Variants in GALNT14 observed in about 807,000 individuals in gnomAD.
GALNT14 encodes the protein polypeptide N-acetylgalactosaminyltransferase 14.
A neutral mutation model predicts 77.5 loss-of-function variants in GALNT14; 60 were observed. The observed-to-expected ratio is 0.77, with a 90% CI of 0.63 to 0.96. The LOEUF is 0.96. Ranked by LOEUF, GALNT14 falls within the 40% of genes least tolerant of loss-of-function variation. GALNT14 has a pLI of 0.00. For missense variants in GALNT14, 710 were observed against 731.0 expected, an observed-to-expected ratio of 0.97 and a Z score of 0.33; for synonymous variants, 280 against 281.7, an observed-to-expected ratio of 0.99 and a Z score of 0.06.
intron 1 of GALNT14, among the ~76,000 whole-genome samples, chr2:31,015,461 A>C (rs1671295333): frequency 6.6e-6 from 1 of 152,170 alleles, no homozygotes; most frequent in Non-Finnish European, 1.5e-5. Context: ...ATCTGCCTCC[A>C]TCTATACTAA....
chr2:31,028,771 G>T (rs1672229840), intron 1 of GALNT14, among the ~76,000 whole-genome samples: 1 of 152,162 alleles, frequency 6.6e-6, no homozygotes, highest in African/African-American at 2.4e-5. Context: ...ACTAGGATGT[G>T]GAGATGTAAA....
At chr2:31,079,645 CAT>C (rs1676034194) in intron 1 of GALNT14, among the ~76,000 whole-genome samples, 1 of 152,210 alleles carries the variant, frequency 6.6e-6, no homozygotes, top group Non-Finnish European at 1.5e-5. Flanking sequence ...CCCTACGTCT[CAT>C]GTGTTGGCTC....
At chr2:30,936,082 T>C (rs1274758405) in intron 9 of GALNT14, among the ~76,000 whole-genome samples, 3 of 152,210 alleles carry the variant, frequency 2.0e-5, no homozygotes, top group Non-Finnish European at 2.9e-5. Context: ...GGCATGCAGA[T>C]GTGTAATTAT....
chr2:31,015,234 G>A (rs1014710373), intron 1 of GALNT14, among the ~76,000 whole-genome samples: 1 of 150,994 alleles, frequency 6.6e-6, no homozygotes, highest in Admixed American at 6.6e-5. Context: ...TGAGGTTGCA[G>A]TGAGCCAAGA....
the GALNT14 span, among the ~76,000 whole-genome samples, chr2:30,892,441 A>G: frequency 6.6e-6 from 1 of 152,214 alleles, no homozygotes; most frequent in African/African-American, 2.4e-5. Context: ...GATTACATTG[A>G]TATCAGACTG....
intron 1 of GALNT14, among the ~76,000 whole-genome samples, chr2:30,993,361 C>T (rs1441078780): frequency 6.6e-6 from 1 of 152,196 alleles, no homozygotes; most frequent in Non-Finnish European, 1.5e-5. Flanking sequence ...CCCAAGATCC[C>T]ACAGTTAGGA....
chr2:31,092,696 G>A (rs570066806), intron 1 of GALNT14, among the ~76,000 whole-genome samples: 1 of 152,326 alleles, frequency 6.6e-6, no homozygotes. Flanking sequence ...ATCTTCAGCT[G>A]TCTGAGCTGT....
chr2:30,976,564 C>T (rs986911091), intron 2 of GALNT14, among the ~76,000 whole-genome samples: 2 of 151,784 alleles, frequency 1.3e-5, no homozygotes, highest in South Asian at 4.2e-4. Context: ...CTGTGTTAGC[C>T]GGTACCAAGC....
At position 30,955,957 on chromosome 2, in the gene GALNT14, T is replaced by G. The variant is rs768286610; in HGVS notation, c.487A>C (p.Ile163Leu). The change falls in exon 5 of 15, where the codon ATC becomes CTC. Residue 163 changes from isoleucine (I) to leucine (L), a missense_variant. Ile to Leu is a conservative substitution (Grantham distance 5). Coordinates refer to ENST00000349752, the MANE Select transcript of GALNT14 (RefSeq NM_024572.4). ...SNDPDDCKQL[I>L]KLPKVKCLRN... is the part of the protein sequence containing the mutation. ...AAGCATTTCACCTTGGGCAACTTGA[T>G]GAGCTGTTTACAGTCATCAGCTGCA... 1 of 1,614,222 alleles carries G rather than the reference T, an allele frequency of 6.2e-7. No individual in the cohort carries two copies. Among genetic ancestry groups the G allele is most frequent in the Non-Finnish European group, 8.5e-7 (1 of 1,180,036 alleles).
At chr2:30,894,751 T>C in the GALNT14 span, among the ~76,000 whole-genome samples, 1 of 152,162 alleles carries the variant, frequency 6.6e-6, no homozygotes, top group Non-Finnish European at 1.5e-5. Context: ...AAGCCAGCTG[T>C]TGCAGGGGAG....
intron 9 of GALNT14, among the ~76,000 whole-genome samples, chr2:30,933,231 C>T (rs572938863): frequency 6.6e-5 from 10 of 152,230 alleles, no homozygotes; most frequent in East Asian, 1.9e-4. Context: ...CTGACCACAG[C>T]GAGGGCAGGC....
At chr2:31,098,419 C>T (rs1229896880) in intron 1 of GALNT14, among the ~76,000 whole-genome samples, 2 of 152,102 alleles carry the variant, frequency 1.3e-5, no homozygotes, top group Admixed American at 6.6e-5. Flanking sequence ...ACCTCAGTGA[C>T]TATGTCAGAA....
intron 1 of GALNT14, among the ~76,000 whole-genome samples, chr2:31,013,160 C>T (rs72855277): frequency 0.037 from 5,602 of 152,218 alleles, 357 homozygotes; most frequent in African/African-American, 0.13. Context: ...AAAGCAACTA[C>T]AGGAGAGAAT....
intron 2 of GALNT14, among the ~76,000 whole-genome samples, chr2:30,968,002 G>A (rs1310789270): frequency 6.6e-6 from 1 of 152,198 alleles, no homozygotes; most frequent in African/African-American, 2.4e-5. Flanking sequence ...CAGAGCAAAT[G>A]TCCCCTCTGC....
intron 1 of GALNT14, among the ~76,000 whole-genome samples, chr2:31,072,304 TACACACAC>T (rs1211106519): frequency 1.1e-4 from 4 of 37,912 alleles, no homozygotes; most frequent in East Asian, 5.4e-4. Flanking sequence ...CACACACACA[TACACACAC>T]ACACACACAC....
At chr2:30,901,601 T>C in the GALNT14 span, among the ~76,000 whole-genome samples, 9 of 151,964 alleles carry the variant, frequency 5.9e-5, no homozygotes, top group Admixed American at 1.3e-4. Flanking sequence ...TATATATGTG[T>C]GTGTATATAT....
At chr2:30,949,977 C>T (rs1666929229) in intron 6 of GALNT14, among the ~76,000 whole-genome samples, 1 of 152,108 alleles carries the variant, frequency 6.6e-6, no homozygotes. Context: ...ACCTGGGTTC[C>T]CATTCTGATT....
intron 9 of GALNT14, among the ~76,000 whole-genome samples, chr2:30,934,072 G>A (rs1311169702): frequency 6.6e-6 from 1 of 152,158 alleles, no homozygotes; most frequent in Admixed American, 6.5e-5. Flanking sequence ...CACCTGAAAT[G>A]TGTGCACTTC....
intron 14 of GALNT14, 68 bp downstream of exon 14, chr2:30,912,155 G>T: frequency 6.3e-7 from 1 of 1,584,070 alleles, no homozygotes; most frequent in Non-Finnish European, 8.6e-7. Context: ...CTGCTCATCA[G>T]ACTAAGCCCT....
Sources: gnomAD v4.1 joint callset for allele counts (sites outside exome capture counted in the v4.1 genomes callset) on GRCh38, gnomAD v4.1.1 for gene constraint, MANE v1.5 for transcripts, NCBI Gene and HGNC (gene_info 2026-07-23, HGNC 2026-07-21) for gene names.